Variants in RALYL observed in about 807,000 individuals in gnomAD.
The protein encoded by RALYL is RALY RNA binding protein like.
In RALYL, 29 loss-of-function variants were observed where a neutral mutation model predicts 35.1. The observed-to-expected ratio is 0.83, with a 90% confidence interval of 0.61 to 1.13. RALYL has a LOEUF of 1.13. Among genes scored for constraint, RALYL ranks in the 50% most tolerant of loss-of-function variants. The probability of loss-of-function intolerance (pLI) is 0.00; values close to 1 mark genes in which losing one functional copy is unlikely to be tolerated. For synonymous variants in RALYL, 120 were observed against 127.6 expected, an observed-to-expected ratio of 0.94 and a Z score of 0.40; for missense variants, 359 against 360.4, an observed-to-expected ratio of 1.00 and a Z score of 0.03.
intron 1 of RALYL, among the ~76,000 whole-genome samples, chr8:84,283,572 G>A (rs1837031817): frequency 6.6e-6 from 1 of 152,112 alleles, no homozygotes; most frequent in Admixed American, 6.6e-5. Context: ...CTGTAATTAA[G>A]TAAAAGAGAC....
chr8:84,406,808 G>A (rs1244801373), intron 1 of RALYL, among the ~76,000 whole-genome samples: 1 of 151,878 alleles, frequency 6.6e-6, no homozygotes, highest in East Asian at 1.9e-4. Context: ...TGTCCTTTTG[G>A]CATTGAAAAG....
chr8:84,292,552 A>G (rs1838966701), intron 1 of RALYL, among the ~76,000 whole-genome samples: 1 of 152,160 alleles, frequency 6.6e-6, no homozygotes, highest in Non-Finnish European at 1.5e-5. Flanking sequence ...TAGGAGGTCA[A>G]CACAAAATAC....
chr8:84,903,916 A>G (rs2135586644), intron 8 of RALYL, among the ~76,000 whole-genome samples: 1 of 152,310 alleles, frequency 6.6e-6, no homozygotes, highest in Admixed American at 6.5e-5. Context: ...TGCCATTTTT[A>G]TTCACTCAGC....
chr8:84,363,757 C>T (rs1319040153), intron 1 of RALYL, among the ~76,000 whole-genome samples: 1 of 152,118 alleles, frequency 6.6e-6, no homozygotes, highest in African/African-American at 2.4e-5. Context: ...CAGCTGATCA[C>T]CTCTATTCTG....
intron 4 of RALYL, among the ~76,000 whole-genome samples, chr8:84,812,659 C>A (rs925533475): frequency 6.6e-6 from 1 of 152,088 alleles, no homozygotes; most frequent in Non-Finnish European, 1.5e-5. Flanking sequence ...ATTGTGGCTG[C>A]CTCTTCTGCA....
intron 2 of RALYL, among the ~76,000 whole-genome samples, chr8:84,589,089 G>A (rs1812645712): frequency 6.6e-6 from 1 of 152,090 alleles, no homozygotes; most frequent in Non-Finnish European, 1.5e-5. Context: ...GTAGAGATGG[G>A]GTTTCACCAT....
chr8:84,326,739 T>C (rs897155495), intron 1 of RALYL, among the ~76,000 whole-genome samples: 4 of 152,186 alleles, frequency 2.6e-5, no homozygotes, highest in South Asian at 2.1e-4. Flanking sequence ...GTGACAGATA[T>C]CAAAATTAAA....
At chr8:84,517,012 T>A (rs1036055295) in intron 1 of RALYL, among the ~76,000 whole-genome samples, 1 of 152,188 alleles carries the variant, frequency 6.6e-6, no homozygotes, top group Non-Finnish European at 1.5e-5. Context: ...CTCTCCTGAG[T>A]ATTAACCCTA....
intron 2 of RALYL, among the ~76,000 whole-genome samples, chr8:84,559,620 G>A (rs181928670): frequency 3.2e-4 from 49 of 152,084 alleles, no homozygotes; most frequent in African/African-American, 4.1e-4. Context: ...CAGGAATGGC[G>A]TAATAGAATG....
At chr8:84,534,458 A>G (rs2059469664) in intron 2 of RALYL, among the ~76,000 whole-genome samples, 1 of 152,310 alleles carries the variant, frequency 6.6e-6, no homozygotes, top group South Asian at 2.1e-4. Context: ...TTTGTAATTG[A>G]TATCTGTCCC....
intron 2 of RALYL, among the ~76,000 whole-genome samples, chr8:84,647,094 A>T (rs753829528): frequency 2.0e-5 from 3 of 152,032 alleles, no homozygotes; most frequent in Non-Finnish European, 4.4e-5. Context: ...GAGAAGGATC[A>T]ATGGGGAGAT....
intron 1 of RALYL, among the ~76,000 whole-genome samples, chr8:84,282,367 G>A (rs1836741198): frequency 2.6e-5 from 4 of 152,168 alleles, no homozygotes; most frequent in Middle Eastern, 6.8e-3. Flanking sequence ...TAGTGGTATG[G>A]CTGGCACATA....
intron 2 of RALYL, among the ~76,000 whole-genome samples, chr8:84,758,988 A>T (rs148374245): frequency 2.0e-5 from 3 of 152,234 alleles, no homozygotes; most frequent in African/African-American, 7.2e-5. Flanking sequence ...CCAGGGAAGA[A>T]TTCATTTTCT....
At chr8:84,367,337 T>G (rs1262539537) in intron 1 of RALYL, among the ~76,000 whole-genome samples, 28 of 64,816 alleles carry the variant, frequency 4.3e-4, no homozygotes, top group African/African-American at 2.1e-3. Flanking sequence ...TTTTTTTTTT[T>G]TTTTTTTTTT....
rs766504736 is a variant in RALYL, at chr8:84,735,809, C to CGTGAGAGAGAGAGAGAGAGAGA, written c.257-38769_257-38768insTGAGAGAGAGAGAGAGAGAGAG. ...CCCCATTCCTTAAGATCATCCAAAC[C>CGTGAGAGAGAGAGAGAGAGAGA]GCGAGAGAGAGAGAGAGAGAGAGAG... On this transcript the variant is annotated intron_variant, in intron 2 of 8. Coordinates refer to ENST00000521268, the MANE Select transcript of RALYL (RefSeq NM_173848.7). 4.5e-4 allele frequency among the ~76,000 whole-genome samples: 54 copies of CGTGAGAGAGAGAGAGAGAGAGA among 119,114 alleles called. 1 individual carries two copies. The highest frequency in any genetic ancestry group is 1.5e-3 in the African/African-American group (49 of 31,620). The allele number at this position is 119,114 out of a possible 152,430, so 78.1% of individuals were successfully genotyped here. A position where few individuals can be genotyped will look rare whatever the true frequency, so the allele number is the denominator to read the frequency against.
chr8:84,569,312 C>T (rs1807331755), intron 2 of RALYL, among the ~76,000 whole-genome samples: 1 of 151,974 alleles, frequency 6.6e-6, no homozygotes, highest in Admixed American at 6.6e-5. Flanking sequence ...GGAATCCTTT[C>T]CCCATTTCTT....
At chr8:84,200,818 A>G (rs1040555366) in intron 1 of RALYL, among the ~76,000 whole-genome samples, 5 of 152,180 alleles carry the variant, frequency 3.3e-5, no homozygotes, top group Non-Finnish European at 7.4e-5. Context: ...TTAAGGTTGA[A>G]TAATCACTGG....
chr8:84,502,121 T>C (rs977369612), intron 1 of RALYL, among the ~76,000 whole-genome samples: 10 of 152,024 alleles, frequency 6.6e-5, no homozygotes, highest in Non-Finnish European at 1.2e-4. Flanking sequence ...TAAATAGTTA[T>C]ATTTCTATAT....
Position 84,377,470 on chromosome 8 carries a change from T to TGTTTGTTTGTTTGTTTG in RALYL, c.-23-151829_-23-151828insGTTTGTTTGTTTGTTTG, listed in dbSNP as rs1298809661. On this transcript the variant is annotated intron_variant, in intron 1 of 8. Coordinates refer to ENST00000521268, the MANE Select transcript of RALYL (RefSeq NM_173848.7). The stretch of plus-strand genomic sequence containing the variant: ...TTAACTGTTTTTTTTTTTTTTTTTT[T>TGTTTGTTTGTTTGTTTG]TTTTTCTTAAACTGATCCCATGAGA... Among the ~76,000 whole-genome samples the TGTTTGTTTGTTTGTTTG allele has an allele frequency of 4.6e-3, 685 of 148,704 alleles. 9 individuals carry two copies. The highest frequency in any genetic ancestry group is 0.016 in the African/African-American group (629 of 40,224).
Sources: allele counts gnomAD v4.1 joint callset (sites outside exome capture counted in the v4.1 genomes callset), GRCh38; gene constraint gnomAD v4.1.1; transcripts MANE v1.5; gene names NCBI Gene and HGNC (gene_info 2026-07-23, HGNC 2026-07-21).